NRXN1: variants seen among roughly 807,000 people sequenced by gnomAD.
The protein encoded by NRXN1 is neurexin 1, also known as neurexin-1.
A neutral mutation model predicts 150.9 loss-of-function variants in NRXN1; 39 were observed. The observed-to-expected ratio is 0.26, with a 90% CI of 0.20 to 0.34. NRXN1 has a LOEUF of 0.34. NRXN1 is among the 10% of genes least tolerant of loss of function. NRXN1 has a pLI of 1.00. For missense variants in NRXN1, 1,815 were observed against 1,949.9 expected (o/e 0.93, Z 1.30); for synonymous variants, 924 against 757.0 (o/e 1.22, Z -3.62).
intron 2 of NRXN1, among the ~76,000 whole-genome samples, chr2:50,952,790 C>G (rs1575038161): frequency 6.6e-6 from 1 of 152,120 alleles, no homozygotes; most frequent in African/African-American, 2.4e-5. Context: ...TCATACTCCC[C>G]CTTTCGTCAT....
chr2:50,958,903 T>A (rs1692702464), intron 2 of NRXN1, among the ~76,000 whole-genome samples: 2 of 152,154 alleles, frequency 1.3e-5, no homozygotes, highest in South Asian at 4.1e-4. Context: ...TACAACGATT[T>A]GTTTCCAAAC....
At chr2:50,593,959 T>G (rs748270895) in intron 8 of NRXN1, among the ~76,000 whole-genome samples, 1 of 152,198 alleles carries the variant, frequency 6.6e-6, no homozygotes, top group Admixed American at 6.5e-5. Flanking sequence ...TTAATAAACA[T>G]TGATACATTA....
intron 17 of NRXN1, among the ~76,000 whole-genome samples, chr2:50,357,781 C>T (rs973294713): frequency 6.6e-6 from 1 of 152,164 alleles, no homozygotes; most frequent in African/African-American, 2.4e-5. Context: ...ACACTGGATT[C>T]CCAGGCAAGA....
chr2:50,565,728 C>T (rs1223059068), intron 8 of NRXN1, among the ~76,000 whole-genome samples: 2 of 152,008 alleles, frequency 1.3e-5, no homozygotes, highest in African/African-American at 2.4e-5. Context: ...TAGTACCAGC[C>T]TACTTATCAT....
intron 17 of NRXN1, among the ~76,000 whole-genome samples, chr2:50,425,876 C>T (rs993115033): frequency 6.6e-6 from 1 of 152,092 alleles, no homozygotes; most frequent in African/African-American, 2.4e-5. Flanking sequence ...GGACCTTGAA[C>T]GTCACTTCAC....
intron 18 of NRXN1, among the ~76,000 whole-genome samples, chr2:50,220,204 A>G (rs2063779597): frequency 6.6e-6 from 1 of 150,534 alleles, no homozygotes; most frequent in South Asian, 2.1e-4. Context: ...AACATGAGGG[A>G]AACATATTAT....
chr2:50,979,515 A>G (rs144327300), intron 2 of NRXN1, among the ~76,000 whole-genome samples: 1 of 152,236 alleles, frequency 6.6e-6, no homozygotes, highest in East Asian at 1.9e-4. Flanking sequence ...ACAATGGAGG[A>G]TATAACCTAT....
chr2:50,357,330 C>T (rs1408762649), intron 17 of NRXN1, among the ~76,000 whole-genome samples: 1 of 143,850 alleles, frequency 7.0e-6, no homozygotes, highest in Non-Finnish European at 1.5e-5. Flanking sequence ...TATTTTGAGA[C>T]AAAGTTTCAC....
At chr2:50,703,982 A>G (rs1694101570) in intron 5 of NRXN1, among the ~76,000 whole-genome samples, 1 of 152,132 alleles carries the variant, frequency 6.6e-6, no homozygotes, top group African/African-American at 2.4e-5. Flanking sequence ...AAAATATATT[A>G]AAATATATCT....
At chr2:50,688,349 G>C (rs568052119) in intron 5 of NRXN1, among the ~76,000 whole-genome samples, 1 of 152,222 alleles carries the variant, frequency 6.6e-6, no homozygotes, top group East Asian at 1.9e-4. Flanking sequence ...TTATTCGAAT[G>C]ACTTAATCTT....
At chr2:50,406,539 T>C (rs575431398) in intron 17 of NRXN1, among the ~76,000 whole-genome samples, 11 of 152,146 alleles carry the variant, frequency 7.2e-5, no homozygotes, top group Non-Finnish European at 1.3e-4. Flanking sequence ...TTGTTTTGAC[T>C]CTGCAATCAG....
chr2:50,582,603 C>G (rs1024106623), intron 8 of NRXN1, among the ~76,000 whole-genome samples: 2 of 149,598 alleles, frequency 1.3e-5, no homozygotes, highest in Admixed American at 6.7e-5. Context: ...ACTAGCAAAA[C>G]TAGCACATAA....
At chr2:50,619,577 A>C (rs1679618445) in intron 8 of NRXN1, 2 of 230,200 alleles carry the variant, frequency 8.7e-6, no homozygotes, top group Non-Finnish European at 1.7e-5. Context: ...ATTTTGTTTT[A>C]GTTTTGTTTT....
intron 8 of NRXN1, among the ~76,000 whole-genome samples, chr2:50,613,500 T>G (rs1242683971): frequency 1.3e-5 from 2 of 152,230 alleles, no homozygotes; most frequent in Non-Finnish European, 2.9e-5. Context: ...AAAGTTAGCC[T>G]GTAGCCACAG....
At chr2:50,112,528 A>G (rs1702517638) in intron 18 of NRXN1, among the ~76,000 whole-genome samples, 1 of 152,110 alleles carries the variant, frequency 6.6e-6, no homozygotes, top group Non-Finnish European at 1.5e-5. Context: ...GCTCTCTCTC[A>G]CTCAAATTAT....
At position 50,098,357 on chromosome 2, in the gene NRXN1, A is replaced by T. The variant is rs973643844; in HGVS notation, c.3547-6863T>A. Reference sequence around the variant, plus strand: ...AAAGAGTTGAGGGAGTGGTGGGGAAAAGCACAGGTGCATTGGGGGAAGCAT... The same window carrying T: ...AAAGAGTTGAGGGAGTGGTGGGGAATAGCACAGGTGCATTGGGGGAAGCAT... On this transcript the variant is annotated intron_variant, in intron 18 of 22. Coordinates refer to ENST00000401669, the MANE Select transcript of NRXN1 (RefSeq NM_001330078.2). 2.0e-5 allele frequency among the ~76,000 whole-genome samples: 3 copies of T among 152,040 alleles called. No individual in the cohort carries two copies. In the South Asian group the frequency reaches 6.2e-4, roughly 32 times the overall value.
intron 21 of NRXN1, among the ~76,000 whole-genome samples, chr2:50,044,206 T>C (rs960652153): frequency 1.3e-5 from 2 of 152,184 alleles, no homozygotes; most frequent in Non-Finnish European, 2.9e-5. Context: ...TTCACAATTA[T>C]AACAGTCTTG....
intron 19 of NRXN1, among the ~76,000 whole-genome samples, chr2:50,070,069 T>C (rs565347624): frequency 6.7e-4 from 102 of 151,808 alleles, no homozygotes; most frequent in Non-Finnish European, 1.2e-3. Flanking sequence ...CCAGGGTGAT[T>C]TCGATCTCCT....
rs1211884359 is a variant in NRXN1 at position 49,919,790 on chromosome 2, CACA to C, written c.*2151_*2153del. The C allele has an allele frequency of 4.6e-5, 7 of 152,078 alleles. No homozygotes were observed. The highest frequency in any genetic ancestry group is 1.7e-4 in the African/African-American group (7 of 41,446). 9.4% of individuals were successfully genotyped at this position (152,078 alleles called of 1,614,324 possible). On this transcript the variant is annotated 3_prime_UTR_variant, in exon 23 of 23. Transcript: ENST00000401669. ...TAAAAAGCCACTAAATTTCTTTGTA[CACA>C]ACAATTACTTGGCAACCATAGATAG...
Sources: allele counts gnomAD v4.1 joint callset (sites outside exome capture counted in the v4.1 genomes callset), GRCh38; gene constraint gnomAD v4.1.1; transcripts MANE v1.5; gene names NCBI Gene and HGNC (gene_info 2026-07-23, HGNC 2026-07-21).